Variants in UBE2O observed in about 807,000 individuals in gnomAD.
The protein encoded by UBE2O is ubiquitin conjugating enzyme E2 O.
Under a neutral mutation model 125.8 loss-of-function variants are expected in UBE2O, and 15 were observed. That is an observed-to-expected ratio of 0.12 (90% CI 0.08 to 0.18). UBE2O has a LOEUF of 0.18. Among genes scored for constraint, UBE2O ranks in the 10% least tolerant of loss-of-function variants. UBE2O has a pLI of 1.00. For missense variants in UBE2O, 1,280 were observed against 1,723.6 expected, an observed-to-expected ratio of 0.74 and a Z score of 4.56; for synonymous variants, 708 against 703.2, an observed-to-expected ratio of 1.01 and a Z score of -0.11.
chr17:76,443,662 C>A (rs1379164049), intron 1 of UBE2O, among the ~76,000 whole-genome samples: 2 of 151,992 alleles, frequency 1.3e-5, no homozygotes, highest in Non-Finnish European at 2.9e-5. Flanking sequence ...GATTTTATAC[C>A]CACAAAGTCT....
chr17:76,437,410 A>T (rs545505950), intron 1 of UBE2O, among the ~76,000 whole-genome samples: 17 of 150,228 alleles, frequency 1.1e-4, no homozygotes, highest in Middle Eastern at 6.8e-3. Flanking sequence ...AGATCATGCC[A>T]CTGCACTCCA....
At chr17:76,393,304 C>CA (rs60040913) in intron 15 of UBE2O, among the ~76,000 whole-genome samples, 151,191 of 151,192 alleles carry the variant, frequency 1, 75,595 homozygotes, top group Non-Finnish European at 1. Context: ...ATAGCTCTGT[C>CA]CCCAGGCTGG....
chr17:76,397,729 C>T (rs2072238788), intron 13 of UBE2O, 70 bp downstream of exon 13: 10 of 1,469,452 alleles, frequency 6.8e-6, no homozygotes, highest in Admixed American at 1.7e-5. Context: ...CTTCTGGCTA[C>T]ACGCCTGTGG....
chr17:76,411,847 C>T (rs566526370), intron 1 of UBE2O, among the ~76,000 whole-genome samples: 1 of 152,132 alleles, frequency 6.6e-6, no homozygotes, highest in East Asian at 1.9e-4. Context: ...CACCACCCGG[C>T]TAATTTTATT....
intron 1 of UBE2O, among the ~76,000 whole-genome samples, chr17:76,418,501 G>GAAAGC (rs1432211953): frequency 6.6e-6 from 1 of 152,126 alleles, no homozygotes; most frequent in Non-Finnish European, 1.5e-5. Flanking sequence ...CAGCAGTGCT[G>GAAAGC]AAAGCAAAAG....
intron 15 of UBE2O, among the ~76,000 whole-genome samples, chr17:76,394,232 C>T (rs1334392453): frequency 6.6e-6 from 1 of 152,178 alleles, no homozygotes; most frequent in Non-Finnish European, 1.5e-5. Flanking sequence ...TTACTCCCTT[C>T]CTTCCAGGAC....
At chr17:76,401,369 T>C (rs1370177405) in intron 5 of UBE2O, among the ~76,000 whole-genome samples, 1 of 152,230 alleles carries the variant, frequency 6.6e-6, no homozygotes, top group Non-Finnish European at 1.5e-5. Flanking sequence ...ACATAGGTGA[T>C]GCATTCCATG....
At chr17:76,418,260 G>A (rs370722718) in intron 1 of UBE2O, among the ~76,000 whole-genome samples, 4 of 152,318 alleles carry the variant, frequency 2.6e-5, no homozygotes, top group African/African-American at 9.6e-5. Context: ...CAGCCTCCCG[G>A]AGGGCTCTCC....
At chr17:76,429,499 A>G (rs1047981192) in intron 1 of UBE2O, among the ~76,000 whole-genome samples, 34 of 138,700 alleles carry the variant, frequency 2.5e-4, no homozygotes, top group African/African-American at 7.4e-4. Context: ...CCAAGATTAC[A>G]CCACTGTACT....
chr17:76,450,368 A>G (rs1343260597), intron 1 of UBE2O, among the ~76,000 whole-genome samples: 1 of 152,130 alleles, frequency 6.6e-6, no homozygotes, highest in Admixed American at 6.5e-5. Flanking sequence ...AGAGCTACCT[A>G]TCAGGTATAA....
At chr17:76,411,838 A>G (rs896761740) in intron 1 of UBE2O, among the ~76,000 whole-genome samples, 1 of 152,060 alleles carries the variant, frequency 6.6e-6, no homozygotes, top group Non-Finnish European at 1.5e-5. Flanking sequence ...GGCACATGCC[A>G]CCACCCGGCT....
At chr17:76,409,190 G>C (rs1388036085) in intron 1 of UBE2O, among the ~76,000 whole-genome samples, 1 of 152,038 alleles carries the variant, frequency 6.6e-6, no homozygotes, top group African/African-American at 2.4e-5. Flanking sequence ...CGATGCTCTC[G>C]ATCTCCTAAC....
intron 1 of UBE2O, among the ~76,000 whole-genome samples, chr17:76,439,941 C>T (rs992312349): frequency 2.0e-5 from 3 of 152,202 alleles, no homozygotes; most frequent in Admixed American, 6.5e-5. Flanking sequence ...TCCACTCATT[C>T]GCATGTGTGC....
chr17:76,451,472 T>C (rs1235422567), intron 1 of UBE2O, among the ~76,000 whole-genome samples: 2 of 152,202 alleles, frequency 1.3e-5, no homozygotes, highest in Non-Finnish European at 2.9e-5. Context: ...AAGACCCCGC[T>C]GGTATCAGCA....
intron 1 of UBE2O, among the ~76,000 whole-genome samples, chr17:76,411,632 G>T (rs2072518105): frequency 6.6e-6 from 1 of 152,160 alleles, no homozygotes; most frequent in South Asian, 2.1e-4. Flanking sequence ...TTTAATCCCG[G>T]GGTAAAAGGC....
At chr17:76,418,584 T>C (rs1390795232) in intron 1 of UBE2O, among the ~76,000 whole-genome samples, 1 of 151,866 alleles carries the variant, frequency 6.6e-6, no homozygotes, top group African/African-American at 2.4e-5. Flanking sequence ...TTTTTTTTTT[T>C]TTTGAGACGG....
chr17:76,431,963 GAC>G (rs2072914657), intron 1 of UBE2O, among the ~76,000 whole-genome samples: 1 of 152,204 alleles, frequency 6.6e-6, no homozygotes, highest in Non-Finnish European at 1.5e-5. Flanking sequence ...TAGGGTGGAA[GAC>G]ACTCCCTGTC....
Position 76,391,119 on chromosome 17 carries a change from T to C in UBE2O, c.3703A>G (p.Lys1235Glu), listed in dbSNP as rs2072103962. The change falls in exon 18 of 18, where the codon AAG becomes GAG. Residue 1235 changes from lysine (K) to glutamate (E), a missense_variant. By Grantham distance (56) the Lys-to-Glu change is moderately conservative. Around this residue, in one of 10 missense-constraint regions of UBE2O, gnomAD observed 233 missense variants for 279.0 expected, o/e 0.84. Transcript: ENST00000319380. The surrounding 1 kb of genome is among the most constrained non-coding windows in gnomAD (Gnocchi z 8.4). ...CTCCGGTAGCTCTTTCTCCGCTTCT[T>C]TGGTTTCACACTGGGTGGCACCGAT... Reference protein sequence around the residue: ...DASVPPSVKPKKRRKSYRSFL... With the variant: ...DASVPPSVKPEKRRKSYRSFL... The C allele has an allele frequency of 1.2e-6, 2 of 1,614,140 alleles. No homozygotes were observed. Among genetic ancestry groups the C allele is most frequent in the Non-Finnish European group, 8.5e-7 (1 of 1,180,022 alleles).
At chr17:76,446,257 G>C (rs752102546) in intron 1 of UBE2O, among the ~76,000 whole-genome samples, 26 of 152,172 alleles carry the variant, frequency 1.7e-4, no homozygotes, top group Non-Finnish European at 3.2e-4. Flanking sequence ...TGAGGGGACC[G>C]ACCACCAGCG....
Sources: allele counts gnomAD v4.1 joint callset (sites outside exome capture counted in the v4.1 genomes callset), GRCh38; gene constraint gnomAD v4.1.1; regional missense constraint gnomAD v4.1.1; non-coding constraint Gnocchi (gnomAD v3.1); transcripts MANE v1.5; gene names NCBI Gene and HGNC (gene_info 2026-07-23, HGNC 2026-07-21).